THSD4: variants seen among roughly 807,000 people sequenced by gnomAD.
THSD4 encodes the protein thrombospondin type 1 domain containing 4.
Under a neutral mutation model 119.0 loss-of-function variants are expected in THSD4, and 69 were observed. That is an observed-to-expected ratio of 0.58 (90% CI 0.48 to 0.71). The LOEUF (loss-of-function observed/expected upper bound fraction) is 0.71. THSD4 is among the 30% of genes least tolerant of loss of function. The pLI is 0.00. For synonymous variants in THSD4, 524 were observed against 540.4 expected, an observed-to-expected ratio of 0.97 and a Z score of 0.42; for missense variants, 1,393 against 1,391.1, an observed-to-expected ratio of 1.00 and a Z score of -0.02.
intron 6 of THSD4, among the ~76,000 whole-genome samples, chr15:71,398,566 A>G (rs1229112013): frequency 6.6e-6 from 1 of 152,152 alleles, no homozygotes; most frequent in Non-Finnish European, 1.5e-5. Flanking sequence ...TTGGTGGTAG[A>G]GCCAATAATA....
In THSD4 at chr15:71,642,038, G is replaced by C. The variant is rs117346385; in HGVS notation, c.1153-18492G>C. Among the ~76,000 whole-genome samples the C allele has an allele frequency of 3.0e-3, 454 of 152,316 alleles. 1 individual carries two copies. The highest frequency in any genetic ancestry group is 9.2e-3 in the African/African-American group (382 of 41,570). On this transcript the variant is annotated intron_variant, in intron 7 of 17. Coordinates refer to ENST00000261862, the MANE Select transcript of THSD4 (RefSeq NM_024817.3). ...TCCAAAGGTTTTTGGAGGGCAGAAC[G>C]TGGAGCAATGGACCGTACACAGAGA...
intron 6 of THSD4, among the ~76,000 whole-genome samples, chr15:71,328,801 C>T (rs2045381368): frequency 6.6e-6 from 1 of 152,110 alleles, no homozygotes; most frequent in South Asian, 2.1e-4. Context: ...AAGTTATGGC[C>T]CTCTGCAGAT....
chr15:71,667,642 G>A (rs1439880049), intron 8 of THSD4, among the ~76,000 whole-genome samples: 1 of 152,148 alleles, frequency 6.6e-6, no homozygotes, highest in Non-Finnish European at 1.5e-5. Context: ...TAATTTGCAA[G>A]CTTTAATTTA....
chr15:71,351,613 T>C (rs1313069607), intron 6 of THSD4, among the ~76,000 whole-genome samples: 5 of 152,224 alleles, frequency 3.3e-5, no homozygotes, highest in Admixed American at 3.3e-4. Context: ...TGCTCTTTGC[T>C]CACATCATCT....
chr15:71,388,262 G>T (rs913630071), intron 6 of THSD4, among the ~76,000 whole-genome samples: 1 of 152,178 alleles, frequency 6.6e-6, no homozygotes, highest in African/African-American at 2.4e-5. Flanking sequence ...GCCTGTAGGT[G>T]ATTCATTAAT....
At chr15:71,700,127 A>T (rs972263674) in intron 8 of THSD4, among the ~76,000 whole-genome samples, 2 of 152,152 alleles carry the variant, frequency 1.3e-5, no homozygotes, top group Non-Finnish European at 2.9e-5. Context: ...TGAGGTATAA[A>T]GATTGTAGAA....
At chr15:71,210,594 G>A (rs2043880629) in intron 3 of THSD4, among the ~76,000 whole-genome samples, 1 of 152,230 alleles carries the variant, frequency 6.6e-6, no homozygotes, top group South Asian at 2.1e-4. Context: ...ATATTAGATT[G>A]AATCATATGA....
chr15:71,144,116 A>C (rs925212758), intron 2 of THSD4, among the ~76,000 whole-genome samples: 4 of 152,196 alleles, frequency 2.6e-5, no homozygotes, highest in Admixed American at 1.3e-4. Flanking sequence ...AGAGCTGCTC[A>C]GCGGGACATT....
intron 11 of THSD4, among the ~76,000 whole-genome samples, chr15:71,743,138 C>G (rs1237307098): frequency 6.6e-6 from 1 of 152,148 alleles, no homozygotes; most frequent in African/African-American, 2.4e-5. Context: ...TTCCGTGGAG[C>G]TGGACCATGG....
chr15:71,432,538 T>G (rs80154858), intron 7 of THSD4, among the ~76,000 whole-genome samples: 4 of 151,596 alleles, frequency 2.6e-5, no homozygotes, highest in Admixed American at 6.6e-5. Context: ...TTTTTTTTTT[T>G]TTGCAGTTTA....
chr15:71,735,395 C>G (rs1396287136), intron 10 of THSD4, among the ~76,000 whole-genome samples: 2 of 152,128 alleles, frequency 1.3e-5, no homozygotes, highest in African/African-American at 2.4e-5. Context: ...TCAGGAAACC[C>G]AAGACTCCAG....
chr15:71,637,682 G>T (rs1416326722), intron 7 of THSD4, among the ~76,000 whole-genome samples: 1 of 152,018 alleles, frequency 6.6e-6, no homozygotes, highest in Non-Finnish European at 1.5e-5. Context: ...TTGTTTCATG[G>T]GTACAGAGTA....
chr15:71,689,233 TCTCTG>T (rs1199896079), intron 8 of THSD4, among the ~76,000 whole-genome samples: 1 of 152,200 alleles, frequency 6.6e-6, no homozygotes, highest in Non-Finnish European at 1.5e-5. Flanking sequence ...TGGTGTGGCC[TCTCTG>T]CTCTGGGAGC....
chr15:71,623,957 T>G (rs983691496), intron 7 of THSD4, among the ~76,000 whole-genome samples: 2 of 150,734 alleles, frequency 1.3e-5, no homozygotes, highest in African/African-American at 4.9e-5. Context: ...AATCAGATAA[T>G]CAAGTCTTAC....
intron 7 of THSD4, among the ~76,000 whole-genome samples, chr15:71,475,960 G>T (rs2047649583): frequency 6.6e-6 from 1 of 152,100 alleles, no homozygotes; most frequent in African/African-American, 2.4e-5. Flanking sequence ...TTTAAAAGAA[G>T]TGGCTAAGAG....
intron 7 of THSD4, among the ~76,000 whole-genome samples, chr15:71,453,893 GT>G (rs532544464): frequency 1.2e-4 from 19 of 152,304 alleles, no homozygotes; most frequent in African/African-American, 4.6e-4. Context: ...AATGAACCTG[GT>G]TTCCATGGTG....
intron 1 of THSD4, among the ~76,000 whole-genome samples, chr15:71,128,169 C>G (rs766451374): frequency 1.3e-5 from 2 of 150,566 alleles, no homozygotes; most frequent in Non-Finnish European, 1.5e-5. Context: ...GAAGATGTAA[C>G]GATAGAAATT....
At chr15:71,311,284 T>G (rs1515676) in intron 6 of THSD4, among the ~76,000 whole-genome samples, 2 of 152,232 alleles carry the variant, frequency 1.3e-5, no homozygotes, top group East Asian at 1.9e-4. Context: ...CCTCTACTTA[T>G]ATTGCATTGG....
chr15:71,487,062 G>A (rs2047833707), intron 7 of THSD4, among the ~76,000 whole-genome samples: 1 of 152,148 alleles, frequency 6.6e-6, no homozygotes, highest in South Asian at 2.1e-4. Context: ...TATTAAAACT[G>A]CATTAAAATC....
Sources: allele counts gnomAD v4.1 joint callset (sites outside exome capture counted in the v4.1 genomes callset), GRCh38; gene constraint gnomAD v4.1.1; transcripts MANE v1.5; gene names NCBI Gene and HGNC (gene_info 2026-07-23, HGNC 2026-07-21).